Variants in COL6A2 observed in about 807,000 individuals in gnomAD.
COL6A2 encodes the protein collagen type VI alpha 2 chain.
In COL6A2, 90 loss-of-function variants were observed where a neutral mutation model predicts 124.9. That is an observed-to-expected ratio of 0.72 (90% CI 0.61 to 0.86). The LOEUF is 0.86. Ranked by LOEUF, COL6A2 falls within the 40% of genes least tolerant of loss-of-function variation. COL6A2 has a pLI of 0.00. For missense variants in COL6A2, 1,607 were observed against 1,502.5 expected, an observed-to-expected ratio of 1.07 and a Z score of -1.15; for synonymous variants, 793 against 618.2, an observed-to-expected ratio of 1.28 and a Z score of -4.19.
At position 46,122,947 on chromosome 21, in the gene COL6A2, A is replaced by G. The variant is rs915786; in HGVS notation, c.1671+10A>G. 1,318,290 of 1,611,788 alleles carry G rather than the reference A, an allele frequency of 0.82. 542,191 individuals carry two copies. The highest frequency in any genetic ancestry group is 0.95 in the African/African-American group (71,094 of 74,968). ...AGAGAAAGGAGAGCCTGTGAGTGTC[A>G]CCGTCCCGAAGCCCACAGCAGCTGG... is the stretch of plus-strand genomic sequence containing the variant. On this transcript the variant is annotated intron_variant, in intron 21 of 27. Transcript: ENST00000300527.
chr21:46,129,763 C>A (rs2078736206), intron 27 of COL6A2: 1 of 1,329,704 alleles, frequency 7.5e-7, no homozygotes, highest in African/African-American at 1.5e-5. Flanking sequence ...TTAAGGCCCA[C>A]CCCAAGTCCA....
intron 27 of COL6A2, among the ~76,000 whole-genome samples, chr21:46,127,288 G>A (rs1280142096): frequency 6.6e-6 from 1 of 152,168 alleles, no homozygotes; most frequent in Admixed American, 6.5e-5. Context: ...CTCAGGGTCT[G>A]CGGTACGAAG....
At position 46,113,245 on chromosome 21, in the gene COL6A2, C is replaced by T. The variant is rs79364919; in HGVS notation, c.735+421C>T. Among the ~76,000 whole-genome samples the T allele has an allele frequency of 9.5e-3, 1,451 of 152,246 alleles. 11 individuals are homozygous for T. Among genetic ancestry groups the T allele is most frequent in the Non-Finnish European group, 0.014 (922 of 68,018 alleles). ...GGGAGCAGGCATCTGAGATCTCCCC[C>T]GTGAGGCTTCCTGCAAAAACGTGCC... On this transcript the variant is annotated intron_variant, in intron 4 of 27. Coordinates refer to ENST00000300527, the MANE Select transcript of COL6A2 (RefSeq NM_001849.4).
At chr21:46,127,217 G>A (rs949220536) in intron 27 of COL6A2, among the ~76,000 whole-genome samples, 18 of 152,148 alleles carry the variant, frequency 1.2e-4, no homozygotes, top group Admixed American at 6.5e-5. Context: ...GGAGTGTGAG[G>A]GTAGGGATGC....
chr21:46,125,462 CA>C lies in COL6A2; in HGVS notation c.1817-2del. On this transcript the variant is annotated splice_acceptor_variant, in intron 24 of 27. Coordinates refer to ENST00000300527, the MANE Select transcript of COL6A2 (RefSeq NM_001849.4). LOFTEE classifies it high-confidence loss of function. ...CCCCCCGATGACCCTGCCACCCCCC[CA>C]GACTGTGAGAAGCGCTGTGGCGCCC... 1 of 1,612,900 alleles carries C rather than the reference CA, an allele frequency of 6.2e-7. No homozygotes were observed. The highest frequency in any genetic ancestry group is 8.5e-7 in the Non-Finnish European group (1 of 1,179,930).
chr21:46,130,915 C>G (rs535651633), intron 27 of COL6A2, among the ~76,000 whole-genome samples: 30 of 152,376 alleles, frequency 2.0e-4, no homozygotes, highest in Admixed American at 4.6e-4. Flanking sequence ...GTCCATGTCT[C>G]AAGCGTTCTG....
chr21:46,129,822 T>G (rs1601261193), intron 27 of COL6A2: 1 of 1,123,104 alleles, frequency 8.9e-7, no homozygotes, highest in East Asian at 5.5e-5. Context: ...AGAGTCCTTC[T>G]TTGCTGCATC....
rs1402561863 is a variant in COL6A2 at position 46,125,557 on chromosome 21, T to C, written c.1909T>C (p.Phe637Leu). 2 of 1,612,926 alleles carry C rather than the reference T, an allele frequency of 1.2e-6. No individual in the cohort carries two copies. Among genetic ancestry groups the C allele is most frequent in the Non-Finnish European group, 1.7e-6 (2 of 1,179,948 alleles). Residue 637 changes from phenylalanine to leucine, a missense_variant, in exon 25 of 28, where the codon TTC (phenylalanine) becomes CTC (leucine). Around this residue, in one of 3 missense-constraint regions of COL6A2, gnomAD observed 1,223 missense variants for 1,052.2 expected, o/e 1.16. Transcript: ENST00000300527. Reference sequence around the variant, plus strand: ...CACCAACTTCACACTGGAGAAGAACTTCGTCATCAACGTGGTCAACAGGCT... The same window carrying C: ...CACCAACTTCACACTGGAGAAGAACCTCGTCATCAACGTGGTCAACAGGCT... ...GYTNFTLEKNFVINVVNRLGA... is the reference protein window; with the variant it reads ...GYTNFTLEKNLVINVVNRLGA...
At chr21:46,122,366 G>C in intron 19 of COL6A2, 130 bp from the exon 20 acceptor site, 1 of 1,349,380 alleles carries the variant, frequency 7.4e-7, no homozygotes, top group Non-Finnish European at 1.1e-6. Context: ...AGCTCAGAAC[G>C]CAGCACAGTG....
intron 5 of COL6A2, among the ~76,000 whole-genome samples, chr21:46,114,297 C>CAT (rs1181068083): frequency 6.3e-4 from 96 of 152,044 alleles, no homozygotes; most frequent in Admixed American, 2.0e-3. Flanking sequence ...TAGTGGCATG[C>CAT]GCCTGTAGTC....
At chr21:46,128,205 C>G (rs113049815) in intron 27 of COL6A2, among the ~76,000 whole-genome samples, 2 of 152,310 alleles carry the variant, frequency 1.3e-5, no homozygotes, top group African/African-American at 4.8e-5. Flanking sequence ...AGGGAGGACA[C>G]GGAGGCCCTT....
chr21:46,115,737 C>A, intron 5 of COL6A2, 135 bp from the exon 6 acceptor site: 1 of 806,316 alleles, frequency 1.2e-6, no homozygotes, highest in Non-Finnish European at 2.1e-6. Context: ...GAGCAGCTGA[C>A]ACCAAGACTT....
At chr21:46,128,483 T>C (rs79010378) in intron 27 of COL6A2, among the ~76,000 whole-genome samples, 4 of 112,744 alleles carry the variant, frequency 3.5e-5, no homozygotes, top group South Asian at 2.6e-4. Flanking sequence ...CACCACTGGC[T>C]GTGGCCTGGC....
chr21:46,124,537 G>GCC lies in COL6A2; in HGVS notation c.1672-104_1672-103dup, dbSNP rs36033678. The GCC allele has an allele frequency of 1.9e-4, 159 of 838,398 alleles. 1 individual carries two copies. Among genetic ancestry groups the GCC allele is most frequent in the South Asian group, 9.4e-4 (60 of 64,154 alleles). 51.9% of individuals were successfully genotyped at this position (838,398 alleles called of 1,614,324 possible). On this transcript the variant is annotated intron_variant, in intron 21 of 27. Transcript: ENST00000300527. ...CTTGTCTTACTCCTTGCACCTGTTA[G>GCC]CCCCCCCCCCCGCCAAGGGAGGACC... is the stretch of plus-strand genomic sequence containing the variant.
chr21:46,124,317 A>C (rs1156808698), intron 21 of COL6A2, among the ~76,000 whole-genome samples: 1 of 151,674 alleles, frequency 6.6e-6, no homozygotes, highest in African/African-American at 2.4e-5. Context: ...GAATGGGTGG[A>C]TGGGTGGGCG....
At chr21:46,131,876 G>A in intron 27 of COL6A2, 78 bp from the exon 28 acceptor site, 2 of 1,359,878 alleles carry the variant, frequency 1.5e-6, no homozygotes, top group Admixed American at 2.0e-5. Flanking sequence ...CGAATGGAAG[G>A]GCACAGGTGC....
rs377389081 is a variant in COL6A2, at chr21:46,132,006, G to A, written c.2514G>A (p.Leu838=). ...GGCCCGTGGACATCGTCTTCCTGCTGGACGGCTCCGAGCGGCTGGGTGAGC... is the reference window on the plus strand; with the variant it reads ...GGCCCGTGGACATCGTCTTCCTGCTAGACGGCTCCGAGCGGCTGGGTGAGC... The part of the protein sequence containing the change: ...TQRPVDIVFL[L]DGSERLGEQN... The change falls in exon 28 of 28, where the codon CTG becomes CTA. Residue 838 remains leucine, a synonymous_variant. Coordinates refer to ENST00000300527, the MANE Select transcript of COL6A2 (RefSeq NM_001849.4). The A allele has an allele frequency of 3.3e-5, 53 of 1,610,182 alleles. No homozygotes were observed. Among genetic ancestry groups the A allele is most frequent in the African/African-American group, 5.3e-5 (4 of 75,016 alleles).
intron 26 of COL6A2, 63 bp from the exon 27 acceptor site, chr21:46,126,440 C>G (rs201331178): frequency 1.2e-6 from 2 of 1,603,260 alleles, no homozygotes; most frequent in Non-Finnish European, 1.7e-6. Context: ...GATCAGTGAA[C>G]GGCCGCTGAG....
Position 46,112,234 on chromosome 21 carries a change from G to T in COL6A2, c.371G>T (p.Gly124Val), listed in dbSNP as rs754434218. The T allele has an allele frequency of 8.1e-6, 13 of 1,612,742 alleles. No homozygotes were observed. In the South Asian group the frequency reaches 1.4e-4, roughly 18 times the overall value. The change falls in exon 3 of 28, where the codon GGC becomes GTC. Residue 124 changes from glycine (G) to valine (V), a missense_variant. Gly to Val is a moderately radical substitution (Grantham distance 109). Coordinates refer to ENST00000300527, the MANE Select transcript of COL6A2 (RefSeq NM_001849.4). The stretch of plus-strand genomic sequence containing the variant: ...GCCTCCTTCATCAAGAACCTGCAGG[G>T]CATCAGCTCCTTCCGCCGCGGCACC... ...DRASFIKNLQ[G>V]ISSFRRGTFT...
Sources: allele counts gnomAD v4.1 joint callset (sites outside exome capture counted in the v4.1 genomes callset), GRCh38; gene constraint gnomAD v4.1.1; regional missense constraint gnomAD v4.1.1; transcripts MANE v1.5; gene names NCBI Gene and HGNC (gene_info 2026-07-23, HGNC 2026-07-21).